Variants in MDGA2 observed in about 807,000 individuals in gnomAD.
MDGA2 encodes the protein MAM domain-containing glycosylphosphatidylinositol anchor protein 2.
MDGA2 carries 40 observed loss-of-function variants against 117.8 expected under a neutral mutation model. The ratio of observed to expected loss-of-function variants is 0.34; its 90% CI spans 0.26 to 0.44. The LOEUF is 0.44. MDGA2 is among the 20% of genes least tolerant of loss of function. MDGA2 has a pLI of 1.00. For missense variants in MDGA2, 1,123 were observed against 1,250.6 expected, an observed-to-expected ratio of 0.90 and a Z score of 1.54; for synonymous variants, 452 against 439.0, an observed-to-expected ratio of 1.03 and a Z score of -0.37.
chr14:46,942,330 C>A (rs892256002), intron 9 of MDGA2, among the ~76,000 whole-genome samples: 7 of 152,118 alleles, frequency 4.6e-5, no homozygotes, highest in Admixed American at 1.3e-4. Context: ...ATGTCATTCA[C>A]ATTATGAAAC....
intron 8 of MDGA2, among the ~76,000 whole-genome samples, chr14:47,004,755 A>G (rs1471026282): frequency 6.6e-6 from 1 of 151,716 alleles, no homozygotes; most frequent in Non-Finnish European, 1.5e-5. Flanking sequence ...TTTTTCTCTC[A>G]GCAGTATTTT....
intron 1 of MDGA2, among the ~76,000 whole-genome samples, chr14:47,562,283 G>C (rs1433355383): frequency 6.6e-6 from 1 of 152,154 alleles, no homozygotes; most frequent in African/African-American, 2.4e-5. Flanking sequence ...CAATGTTTTG[G>C]AATAGTTTCA....
At position 46,946,880 on chromosome 14, in the gene MDGA2, G is replaced by A. The variant is rs377607848; in HGVS notation, c.2089+10494C>T. Among the ~76,000 whole-genome samples the A allele has an allele frequency of 1.2e-3, 190 of 152,188 alleles. 1 individual carries two copies. The highest frequency in any genetic ancestry group is 4.2e-3 in the African/African-American group (173 of 41,532). ...AACTCCCTACCATGACTGACAGGTC[G>A]TAGGAAGGATGCCAGGTCCTTCCCC... On this transcript the variant is annotated intron_variant, in intron 9 of 16. Coordinates refer to ENST00000399232, the MANE Select transcript of MDGA2 (RefSeq NM_001113498.3).
chr14:47,109,813 G>A (rs1444347631), intron 5 of MDGA2, among the ~76,000 whole-genome samples: 1 of 152,230 alleles, frequency 6.6e-6, no homozygotes, highest in African/African-American at 2.4e-5. Flanking sequence ...AGGTGTGGTG[G>A]CACAGACCTG....
intron 1 of MDGA2, among the ~76,000 whole-genome samples, chr14:47,414,291 G>A (rs981052546): frequency 2.2e-4 from 33 of 152,110 alleles, no homozygotes; most frequent in African/African-American, 7.5e-4. Context: ...CATGCTTACC[G>A]GTTGTATGGC....
chr14:47,016,736 CAA>C (rs1888096956), intron 8 of MDGA2, among the ~76,000 whole-genome samples: 1 of 151,746 alleles, frequency 6.6e-6, no homozygotes, highest in African/African-American at 2.4e-5. Context: ...TGTTTTAAAG[CAA>C]AGTTTATTAT....
At chr14:47,560,837 A>C (rs1378786568) in intron 1 of MDGA2, among the ~76,000 whole-genome samples, 1 of 152,170 alleles carries the variant, frequency 6.6e-6, no homozygotes, top group African/African-American at 2.4e-5. Context: ...TTTTACATTT[A>C]AGTTGTTAGT....
intron 9 of MDGA2, among the ~76,000 whole-genome samples, chr14:46,954,561 G>A (rs796452594): frequency 7.2e-5 from 11 of 151,948 alleles, no homozygotes; most frequent in African/African-American, 2.7e-4. Flanking sequence ...TGGCTCCAGG[G>A]GTTCTTCAGA....
At chr14:46,972,433 T>A (rs537498315) in intron 8 of MDGA2, among the ~76,000 whole-genome samples, 121 of 152,302 alleles carry the variant, frequency 7.9e-4, no homozygotes, top group Admixed American at 2.0e-3. Flanking sequence ...AAAAAAGGAT[T>A]GAGATGGCCA....
At chr14:47,209,375 G>C (rs550137852) in intron 3 of MDGA2, among the ~76,000 whole-genome samples, 5 of 152,246 alleles carry the variant, frequency 3.3e-5, no homozygotes, top group African/African-American at 1.2e-4. Context: ...GAATGCCTGA[G>C]ATTTTCAGAA....
chr14:47,019,998 A>G (rs1462438190), intron 8 of MDGA2, among the ~76,000 whole-genome samples: 1 of 152,188 alleles, frequency 6.6e-6, no homozygotes, highest in African/African-American at 2.4e-5. Flanking sequence ...ATGAATGCAG[A>G]AACTTCACTT....
intron 1 of MDGA2, among the ~76,000 whole-genome samples, chr14:47,392,590 C>T (rs1358337157): frequency 6.6e-6 from 1 of 151,982 alleles, no homozygotes; most frequent in Non-Finnish European, 1.5e-5. Context: ...TCCAGAGAGA[C>T]CCTACTGAGC....
At chr14:46,953,890 T>C (rs1885460494) in intron 9 of MDGA2, among the ~76,000 whole-genome samples, 1 of 152,064 alleles carries the variant, frequency 6.6e-6, no homozygotes, top group East Asian at 1.9e-4. Flanking sequence ...TATCTTCACG[T>C]TCAAAAAAAG....
intron 1 of MDGA2, chr14:47,343,108 C>G (rs7160311): frequency 0.099 from 122,909 of 1,244,490 alleles, 6,542 homozygotes; most frequent in Non-Finnish European, 0.11. Flanking sequence ...CTTGAATAAC[C>G]AGATGCTCGA....
At chr14:47,131,026 T>C (rs1220435518) in intron 5 of MDGA2, among the ~76,000 whole-genome samples, 1 of 151,868 alleles carries the variant, frequency 6.6e-6, no homozygotes, top group Non-Finnish European at 1.5e-5. Flanking sequence ...ATAATATATA[T>C]ATGTAAAAAT....
intron 8 of MDGA2, among the ~76,000 whole-genome samples, chr14:47,017,947 A>C (rs1259731154): frequency 3.3e-5 from 5 of 152,064 alleles, no homozygotes; most frequent in Non-Finnish European, 4.4e-5. Flanking sequence ...TCTGGTATTT[A>C]TTGCTCTCTG....
chr14:46,902,431 T>G (rs1236752171), intron 10 of MDGA2, among the ~76,000 whole-genome samples: 1 of 152,182 alleles, frequency 6.6e-6, no homozygotes, highest in Non-Finnish European at 1.5e-5. Flanking sequence ...TACTTTTTTT[T>G]CTTTTCCCAA....
chr14:47,605,765 A>G (rs914420304), intron 1 of MDGA2, among the ~76,000 whole-genome samples: 1 of 152,208 alleles, frequency 6.6e-6, no homozygotes. Context: ...ATTTGATTTT[A>G]CAGTAGGTTT....
intron 2 of MDGA2, 92 bp downstream of exon 2, chr14:47,301,316 CACA>C (rs1337903477): frequency 2.3e-5 from 28 of 1,210,864 alleles, no homozygotes; most frequent in Non-Finnish European, 3.2e-5. Context: ...CACACACACA[CACA>C]CAGTTTTAGC....
Sources: gnomAD v4.1 joint callset for allele counts (sites outside exome capture counted in the v4.1 genomes callset) on GRCh38, gnomAD v4.1.1 for gene constraint, MANE v1.5 for transcripts, NCBI Gene and HGNC (gene_info 2026-07-23, HGNC 2026-07-21) for gene names.